The following MSRA variants were observed in gnomAD, a reference collection of about 807,000 sequenced individuals.
MSRA encodes mitochondrial peptide methionine sulfoxide reductase.
A neutral mutation model predicts 31.3 loss-of-function variants in MSRA; 54 were observed. The ratio of observed to expected loss-of-function variants is 1.73; its 90% CI spans 1.39 to 2.17. The LOEUF (loss-of-function observed/expected upper bound fraction) is 2.17, where lower values mean the gene tolerates loss of function less well. Ranked by LOEUF, MSRA falls within the 30% of genes most tolerant of loss-of-function variation. MSRA has a pLI of 0.00. For missense variants in MSRA, 507 were observed against 300.9 expected (o/e 1.69, Z -5.07); for synonymous variants, 169 against 116.5 (o/e 1.45, Z -2.90).
intron 3 of MSRA, among the ~76,000 whole-genome samples, chr8:10,291,356 ATAGGATGCTTT>A (rs1352775856): frequency 2.0e-5 from 3 of 152,276 alleles, no homozygotes; most frequent in South Asian, 4.1e-4. Flanking sequence ...TTTTCAATCA[ATAGGATGCTTT>A]TTAAAGCTTA....
chr8:10,353,834 A>T (rs1384547838), intron 5 of MSRA: 1 of 265,612 alleles, frequency 3.8e-6, no homozygotes, highest in Non-Finnish European at 7.5e-6. Context: ...AAGACATTTT[A>T]CCATGTCTTG....
At position 10,103,008 on chromosome 8, in the gene MSRA, T is replaced by G. The variant is rs188361324; in HGVS notation, c.142+48350T>G. 5.1e-4 allele frequency among the ~76,000 whole-genome samples: 78 copies of G among 152,334 alleles called. No homozygotes were observed. In the East Asian group the frequency reaches 0.014, roughly 27 times the overall value. ...ACATTCTCAAATTAGGGACTGAGCC[T>G]TCTTTAATCACTAGCTACCCAGAGA... On this transcript the variant is annotated intron_variant, in intron 1 of 5. Transcript: ENST00000317173.
At chr8:10,357,476 C>G (rs1249570724) in intron 5 of MSRA, among the ~76,000 whole-genome samples, 2 of 152,210 alleles carry the variant, frequency 1.3e-5, no homozygotes, top group Non-Finnish European at 2.9e-5. Context: ...GGGTTTCAGT[C>G]CATTGCAATT....
intron 1 of MSRA, among the ~76,000 whole-genome samples, chr8:10,150,845 T>C (rs1299984344): frequency 6.6e-6 from 1 of 152,140 alleles, no homozygotes; most frequent in Non-Finnish European, 1.5e-5. Flanking sequence ...CTTTCCAGCA[T>C]CGTTTCTGCT....
intron 1 of MSRA, among the ~76,000 whole-genome samples, chr8:10,116,131 G>A (rs2129015844): frequency 6.6e-6 from 1 of 152,294 alleles, no homozygotes; most frequent in Non-Finnish European, 1.5e-5. Flanking sequence ...CACCATCCTT[G>A]CAACCAATGA....
At chr8:10,139,415 T>A (rs1802517415) in intron 1 of MSRA, among the ~76,000 whole-genome samples, 1 of 152,196 alleles carries the variant, frequency 6.6e-6, no homozygotes, top group Non-Finnish European at 1.5e-5. Context: ...ACAAGTGCAG[T>A]TTTGTTACAT....
At chr8:10,098,836 C>G (rs1290772373) in intron 1 of MSRA, among the ~76,000 whole-genome samples, 1 of 152,228 alleles carries the variant, frequency 6.6e-6, no homozygotes, top group East Asian at 1.9e-4. Context: ...TGAGCCACTG[C>G]TCACATGCTA....
chr8:10,393,689 G>C (rs1323710511), intron 5 of MSRA, among the ~76,000 whole-genome samples: 1 of 152,204 alleles, frequency 6.6e-6, no homozygotes, highest in African/African-American at 2.4e-5. Context: ...CGTATGTCTT[G>C]TATAGTTTAT....
chr8:10,194,592 T>G (rs965340077), intron 1 of MSRA, among the ~76,000 whole-genome samples: 1 of 152,294 alleles, frequency 6.6e-6, no homozygotes, highest in African/African-American at 2.4e-5. Flanking sequence ...AACATATTAC[T>G]CTGGGGACTG....
At chr8:10,193,397 G>C (rs1422761874) in intron 1 of MSRA, among the ~76,000 whole-genome samples, 1 of 152,204 alleles carries the variant, frequency 6.6e-6, no homozygotes. Context: ...GATATTTTCA[G>C]ACACTGCGGT....
chr8:10,187,913 A>G (rs562184862), intron 1 of MSRA, among the ~76,000 whole-genome samples: 1 of 152,348 alleles, frequency 6.6e-6, no homozygotes, highest in South Asian at 2.1e-4. Flanking sequence ...AATTTAATGA[A>G]CAGGTTCCTG....
At chr8:10,371,220 T>C (rs1318650624) in intron 5 of MSRA, among the ~76,000 whole-genome samples, 1 of 152,106 alleles carries the variant, frequency 6.6e-6, no homozygotes, top group East Asian at 1.9e-4. Context: ...CAACAGGCAT[T>C]TGAAAGCCAG....
At chr8:10,106,224 G>C (rs1799872106) in intron 1 of MSRA, among the ~76,000 whole-genome samples, 1 of 152,176 alleles carries the variant, frequency 6.6e-6, no homozygotes, top group Non-Finnish European at 1.5e-5. Flanking sequence ...CTTTCTTAAG[G>C]ACAGTGGCCA....
intron 5 of MSRA, among the ~76,000 whole-genome samples, chr8:10,377,181 G>A (rs1050397284): frequency 6.6e-6 from 1 of 152,274 alleles, no homozygotes; most frequent in African/African-American, 2.4e-5. Context: ...TTTGCCTGCT[G>A]TACAGGTGGA....
intron 1 of MSRA, among the ~76,000 whole-genome samples, chr8:10,153,082 C>G (rs1306040514): frequency 6.6e-6 from 1 of 152,114 alleles, no homozygotes; most frequent in Admixed American, 6.5e-5. Flanking sequence ...GGAGATTGAT[C>G]GTACATCAGT....
At chr8:10,080,877 T>C (rs6986358) in intron 1 of MSRA, among the ~76,000 whole-genome samples, 9,442 of 152,178 alleles carry the variant, frequency 0.062, 968 homozygotes, top group African/African-American at 0.21. Flanking sequence ...TGTTTACAGC[T>C]TTTCTTGCTA....
chr8:10,061,346 C>G (rs1057348808), intron 1 of MSRA, among the ~76,000 whole-genome samples: 12 of 152,146 alleles, frequency 7.9e-5, no homozygotes, highest in African/African-American at 2.7e-4. Flanking sequence ...ATATCCTTAT[C>G]TTCAAGGAAG....
At chr8:10,218,171 G>A (rs929474592) in intron 2 of MSRA, among the ~76,000 whole-genome samples, 1 of 148,896 alleles carries the variant, frequency 6.7e-6, no homozygotes, top group African/African-American at 2.5e-5. Context: ...TTTTGAGAAA[G>A]AGTCTCACTC....
chr8:10,302,174 G>A (rs911083419), intron 4 of MSRA, among the ~76,000 whole-genome samples: 31 of 152,210 alleles, frequency 2.0e-4, no homozygotes, highest in African/African-American at 7.0e-4. Flanking sequence ...TTTGGAATTT[G>A]TTATGTGGAG....
Sources: gnomAD v4.1 joint callset for allele counts (sites outside exome capture counted in the v4.1 genomes callset) on GRCh38, gnomAD v4.1.1 for gene constraint, MANE v1.5 for transcripts, NCBI Gene and HGNC (gene_info 2026-07-23, HGNC 2026-07-21) for gene names.